Variants in SOCS6 observed in about 807,000 individuals in gnomAD.
The protein encoded by SOCS6 is STAT induced STAT inhibitor-4.
SOCS6 carries 5 observed loss-of-function variants against 27.7 expected under a neutral mutation model. The observed-to-expected ratio is 0.18, with a 90% CI of 0.09 to 0.38. The LOEUF (loss-of-function observed/expected upper bound fraction) is 0.38. Among genes scored for constraint, SOCS6 ranks in the 10% least tolerant of loss-of-function variants. The pLI is 1.00. For missense variants in SOCS6, 595 were observed against 688.1 expected (o/e 0.86, Z 1.51); for synonymous variants, 271 against 260.0 (o/e 1.04, Z -0.41).
chr18:70,319,608 T>TA lies in SOCS6; in HGVS notation c.-126-4911dup, dbSNP rs34494275. 6.7e-3 allele frequency among the ~76,000 whole-genome samples: 844 copies of TA among 126,296 alleles called. 5 individuals carry two copies. The highest frequency in any genetic ancestry group is 0.018 in the African/African-American group (627 of 34,822). The allele number at this position is 126,296 out of a possible 152,430, so 82.9% of individuals were successfully genotyped here. A position where few individuals can be genotyped will look rare whatever the true frequency, so the allele number is the denominator to read the frequency against. ...CTTTAGTAAGAACCAAGCACTTCAG[T>TA]AAAAAAAAAAAAAAAAAAAAAAAAT... On this transcript the variant is annotated intron_variant, in intron 1 of 1. Coordinates refer to ENST00000397942, the MANE Select transcript of SOCS6 (RefSeq NM_004232.4).
intron 1 of SOCS6, among the ~76,000 whole-genome samples, chr18:70,319,435 C>G (rs538005648): frequency 6.6e-6 from 1 of 152,178 alleles, no homozygotes; most frequent in South Asian, 2.1e-4. Context: ...GTCTGTGGAT[C>G]CTCTTTCATC....
chr18:70,293,172 C>G (rs750383300), intron 1 of SOCS6, among the ~76,000 whole-genome samples: 2 of 151,910 alleles, frequency 1.3e-5, no homozygotes, highest in Non-Finnish European at 2.9e-5. Context: ...AAAGTAGTTG[C>G]GGTTTTCATG....
chr18:70,309,366 A>T (rs987365169), intron 1 of SOCS6, among the ~76,000 whole-genome samples: 10 of 152,168 alleles, frequency 6.6e-5, no homozygotes, highest in Non-Finnish European at 1.5e-4. Flanking sequence ...TTCACACTTA[A>T]TGTGATTATT....
intron 1 of SOCS6, among the ~76,000 whole-genome samples, chr18:70,292,993 C>T (rs1409244712): frequency 6.6e-6 from 1 of 151,740 alleles, no homozygotes; most frequent in African/African-American, 2.4e-5. Context: ...TCCTTCATAA[C>T]CTCTATTATT....
rs1379411691 is a variant in SOCS6, at chr18:70,326,016, G to C, written c.1348G>C (p.Gly450Arg). ...FSFYEQPDVEGHTSIVDLIEH... is the reference protein window; with the variant it reads ...FSFYEQPDVERHTSIVDLIEH... ...CTTTTATGAACAGCCAGATGTGGAA[G>C]GACATACGTCCATAGTTGATCTAAT... is the stretch of plus-strand genomic sequence containing the variant. The change falls in exon 2 of 2, where the codon GGA becomes CGA. Residue 450 changes from glycine to arginine, a missense_variant. Around this residue, in one of 2 missense-constraint regions of SOCS6, gnomAD observed 128 missense variants for 207.0 expected, o/e 0.62. Coordinates refer to ENST00000397942, the MANE Select transcript of SOCS6 (RefSeq NM_004232.4). The C allele has an allele frequency of 1.2e-6, 2 of 1,614,238 alleles. No individual in the cohort carries two copies. The highest frequency in any genetic ancestry group is 3.3e-5 in the Admixed American group (2 of 60,028).
At chr18:70,318,851 A>T (rs7244655) in intron 1 of SOCS6, among the ~76,000 whole-genome samples, 10 of 151,958 alleles carry the variant, frequency 6.6e-5, no homozygotes, top group Admixed American at 5.9e-4. Flanking sequence ...CAGGAGAATC[A>T]CTTGAAACTG....
At position 70,324,879 on chromosome 18, in the gene SOCS6, G is replaced by A. The variant is rs137973287; in HGVS notation, c.211G>A (p.Glu71Lys). Residue 71 changes from glutamate (E) to lysine (K), a missense_variant, in exon 2 of 2, where the codon GAG (glutamate) becomes AAG (lysine). Around this residue, in one of 2 missense-constraint regions of SOCS6, gnomAD observed 467 missense variants for 481.1 expected, o/e 0.97. Transcript: ENST00000397942. ...AGGCGGAAAAAACAGATCAAAAAGC[G>A]AGAGCCTGATGGGTACGCTAAAAAG... Reference protein sequence around the residue: ...EKGGKNRSKSESLMGTLKRRL... With the variant: ...EKGGKNRSKSKSLMGTLKRRL... 6.5e-4 allele frequency: 1,057 copies of A among 1,614,138 alleles called. No individual in the cohort carries two copies. Among genetic ancestry groups the A allele is most frequent in the South Asian group, 8.6e-4 (78 of 91,082 alleles).
intron 1 of SOCS6, among the ~76,000 whole-genome samples, chr18:70,297,014 G>GTTA (rs146261212): frequency 0.33 from 46,738 of 141,926 alleles, 8,507 homozygotes; most frequent in East Asian, 0.73. Flanking sequence ...TGTTGTTGTT[G>GTTA]TTGTTGTTGT....
At chr18:70,313,893 C>G (rs1246141913) in intron 1 of SOCS6, among the ~76,000 whole-genome samples, 4 of 152,066 alleles carry the variant, frequency 2.6e-5, no homozygotes, top group Non-Finnish European at 1.5e-5. Flanking sequence ...CTTGGGATCT[C>G]GAGTCAATAT....
chr18:70,312,752 T>C (rs909273612), intron 1 of SOCS6, among the ~76,000 whole-genome samples: 4 of 151,378 alleles, frequency 2.6e-5, no homozygotes, highest in African/African-American at 9.7e-5. Flanking sequence ...ACAATTTCCA[T>C]TACGCCAAAA....
chr18:70,294,270 C>G (rs1019752503), intron 1 of SOCS6, among the ~76,000 whole-genome samples: 1 of 151,786 alleles, frequency 6.6e-6, no homozygotes, highest in African/African-American at 2.4e-5. Flanking sequence ...GTAATTATTA[C>G]TATTAATTCT....
rs780143990 is a variant in SOCS6, at chr18:70,326,023, C to T, written c.1355C>T (p.Thr452Met). ...FYEQPDVEGH[T>M]SIVDLIEHSI... ...GAACAGCCAGATGTGGAAGGACATACGTCCATAGTTGATCTAATTGAGCAT... is the reference window on the plus strand; with the variant it reads ...GAACAGCCAGATGTGGAAGGACATATGTCCATAGTTGATCTAATTGAGCAT... The change falls in exon 2 of 2, where the codon ACG becomes ATG. Residue 452 changes from threonine (T) to methionine (M), a missense_variant. By Grantham distance (81) the Thr-to-Met change is moderately conservative. This residue lies in a region of SOCS6 where 128 missense variants were observed against 207.0 expected (regional missense o/e 0.62). Coordinates refer to ENST00000397942, the MANE Select transcript of SOCS6 (RefSeq NM_004232.4). 23 of 1,614,054 alleles carry T rather than the reference C, an allele frequency of 1.4e-5. No individual in the cohort carries two copies. Among genetic ancestry groups the T allele is most frequent in the South Asian group, 2.2e-5 (2 of 91,090 alleles).
chr18:70,318,963 AGAG>A (rs1600165474), intron 1 of SOCS6, among the ~76,000 whole-genome samples: 1 of 152,154 alleles, frequency 6.6e-6, no homozygotes, highest in Non-Finnish European at 1.5e-5. Flanking sequence ...AAAAGAAAAA[AGAG>A]AAGAGAAAAG....
In SOCS6 at chr18:70,328,474, G is replaced by A. The variant is rs1433306853; in HGVS notation, c.*2198G>A. On this transcript the variant is annotated 3_prime_UTR_variant, in exon 2 of 2. Coordinates refer to ENST00000397942, the MANE Select transcript of SOCS6 (RefSeq NM_004232.4). ...CATGCCATGTGTTTAAGATCTACCC[G>A]CTTAGTGTCAAGATTATTGAGATTT... 2.4e-5 allele frequency: 4 copies of A among 166,594 alleles called. No individual in the cohort carries two copies. The highest frequency in any genetic ancestry group is 4.1e-4 in the South Asian group (2 of 4,828). 10.3% of individuals were successfully genotyped at this position (166,594 alleles called of 1,614,324 possible). A position where few individuals can be genotyped will look rare whatever the true frequency, so the allele number is the denominator to read the frequency against.
intron 1 of SOCS6, among the ~76,000 whole-genome samples, chr18:70,302,799 A>G (rs1485850338): frequency 6.6e-6 from 1 of 152,210 alleles, no homozygotes; most frequent in Non-Finnish European, 1.5e-5. Context: ...CAGATTTGCA[A>G]AAAGTTATTT....
intron 1 of SOCS6, among the ~76,000 whole-genome samples, chr18:70,302,452 G>A (rs1184097634): frequency 6.6e-6 from 1 of 152,122 alleles, no homozygotes; most frequent in East Asian, 1.9e-4. Context: ...GGACCCACCT[G>A]CGGGTCATGG....
Position 70,327,187 on chromosome 18 carries a change from T to C in SOCS6, c.*911T>C, listed in dbSNP as rs1419891109. On this transcript the variant is annotated 3_prime_UTR_variant, in exon 2 of 2. Transcript: ENST00000397942. ...GTAAAATGTTTTATCTGTGATTTCT[T>C]TAGCTTAGTCAACATTTTCTTGGGT... 1 of 167,026 alleles carries C rather than the reference T, an allele frequency of 6.0e-6. No homozygotes were observed. The highest frequency in any genetic ancestry group is 1.9e-4 in the East Asian group (1 of 5,200). The allele number at this position is 167,026 out of a possible 1,614,324, so 10.3% of individuals were successfully genotyped here.
At chr18:70,293,055 CA>C (rs999097904) in intron 1 of SOCS6, among the ~76,000 whole-genome samples, 11 of 152,234 alleles carry the variant, frequency 7.2e-5, no homozygotes, top group African/African-American at 2.6e-4. Flanking sequence ...CCACCCCCCC[CA>C]AATAAGTTCT....
Position 70,328,610 on chromosome 18 carries a change from T to C in SOCS6, c.*2334T>C, listed in dbSNP as rs143858670. On this transcript the variant is annotated 3_prime_UTR_variant, in exon 2 of 2. Transcript: ENST00000397942. ...TGCGCTTTTGTATATTCATAATATATACTTTAATATGCCCTATTCTAATCT... is the reference window on the plus strand; with the variant it reads ...TGCGCTTTTGTATATTCATAATATACACTTTAATATGCCCTATTCTAATCT... 162 of 167,124 alleles carry C rather than the reference T, an allele frequency of 9.7e-4. No individual in the cohort carries two copies. Among genetic ancestry groups the C allele is most frequent in the African/African-American group, 3.8e-3 (156 of 41,582 alleles). 10.4% of individuals were successfully genotyped at this position (167,124 alleles called of 1,614,324 possible). A position where few individuals can be genotyped will look rare whatever the true frequency, so the allele number is the denominator to read the frequency against.
Sources: allele counts gnomAD v4.1 joint callset (sites outside exome capture counted in the v4.1 genomes callset), GRCh38; gene constraint gnomAD v4.1.1; regional missense constraint gnomAD v4.1.1; transcripts MANE v1.5; gene names NCBI Gene and HGNC (gene_info 2026-07-23, HGNC 2026-07-21).